The following MAF variants were observed in gnomAD, a reference collection of about 807,000 sequenced individuals.
The protein encoded by MAF is MAF bZIP transcription factor.
A neutral mutation model predicts 22.0 loss-of-function variants in MAF; 10 were observed. The ratio of observed to expected loss-of-function variants is 0.45; its 90% CI spans 0.28 to 0.77. The LOEUF (loss-of-function observed/expected upper bound fraction) is 0.77. Among genes scored for constraint, MAF ranks in the 30% least tolerant of loss-of-function variants. The probability of loss-of-function intolerance (pLI) is 0.12; values close to 1 mark genes in which losing one functional copy is unlikely to be tolerated. For synonymous variants in MAF, 337 were observed against 255.8 expected (o/e 1.32, Z -3.03); for missense variants, 544 against 548.4 (o/e 0.99, Z 0.08).
chr16:79,561,360 C>T, the MAF span, among the ~76,000 whole-genome samples: 4 of 150,876 alleles, frequency 2.7e-5, no homozygotes, highest in African/African-American at 9.8e-5. Flanking sequence ...TACATGTGCA[C>T]AACGTGCAGG....
chr16:79,461,352 A>G, the MAF span, among the ~76,000 whole-genome samples: 2 of 152,180 alleles, frequency 1.3e-5, no homozygotes, highest in Non-Finnish European at 2.9e-5. Context: ...ATTTCTGCTC[A>G]GCTGTCTCTC....
the MAF span, among the ~76,000 whole-genome samples, chr16:79,312,509 AGACT>A: frequency 9.2e-5 from 14 of 152,226 alleles, no homozygotes; most frequent in African/African-American, 3.4e-4. Context: ...GTGATAGCAC[AGACT>A]GACTCCAAAA....
Position 79,594,156 on chromosome 16 carries a change from C to G in MAF, c.*304G>C. 2.6e-6 allele frequency: 1 copy of G among 386,232 alleles called. No individual in the cohort carries two copies. The highest frequency in any genetic ancestry group is 4.8e-6 in the Non-Finnish European group (1 of 208,238). 23.9% of individuals were successfully genotyped at this position (386,232 alleles called of 1,614,324 possible). A position where few individuals can be genotyped will look rare whatever the true frequency, so the allele number is the denominator to read the frequency against. ...CGGGAAACTTTCCATTATATATATG[C>G]ATATATATGTATCTTTGTAATTTCA... On this transcript the variant is annotated 3_prime_UTR_variant, in exon 2 of 2. Transcript: ENST00000326043.
chr16:79,302,359 T>A, the MAF span, among the ~76,000 whole-genome samples: 1 of 152,210 alleles, frequency 6.6e-6, no homozygotes, highest in Non-Finnish European at 1.5e-5. Context: ...AAGCTTTTAA[T>A]TAGCCCACTG....
the MAF span, among the ~76,000 whole-genome samples, chr16:79,490,575 G>C: frequency 5.3e-5 from 8 of 151,898 alleles, no homozygotes; most frequent in South Asian, 2.1e-4. Flanking sequence ...CAGATATATG[G>C]TTAAATGAAT....
At chr16:79,417,826 G>A in the MAF span, among the ~76,000 whole-genome samples, 3 of 151,926 alleles carry the variant, frequency 2.0e-5, no homozygotes, top group Non-Finnish European at 2.9e-5. Context: ...CAGATAAGAC[G>A]CTGCTGGAGA....
At chr16:79,303,664 T>C in the MAF span, among the ~76,000 whole-genome samples, 1 of 152,318 alleles carries the variant, frequency 6.6e-6, no homozygotes, top group East Asian at 1.9e-4. Context: ...TTAATTCATA[T>C]AGACTGTCAG....
At chr16:79,512,639 C>T in the MAF span, among the ~76,000 whole-genome samples, 1 of 152,076 alleles carries the variant, frequency 6.6e-6, no homozygotes, top group African/African-American at 2.4e-5. Context: ...GAGGGTGTGC[C>T]GTTTATGAAA....
chr16:79,257,145 C>T, the MAF span, among the ~76,000 whole-genome samples: 1 of 151,786 alleles, frequency 6.6e-6, no homozygotes, highest in African/African-American at 2.4e-5. Context: ...CCACTGCACT[C>T]CAGCCTGGGT....
At chr16:79,447,092 G>A in the MAF span, among the ~76,000 whole-genome samples, 1 of 151,902 alleles carries the variant, frequency 6.6e-6, no homozygotes, top group Non-Finnish European at 1.5e-5. Context: ...ATTTCATGGA[G>A]ACATACAAAG....
At chr16:79,364,618 T>C in the MAF span, among the ~76,000 whole-genome samples, 1 of 152,188 alleles carries the variant, frequency 6.6e-6, no homozygotes, top group Non-Finnish European at 1.5e-5. Context: ...TAGCAAAAAG[T>C]TAGCATGCTC....
chr16:79,215,927 T>A, the MAF span, among the ~76,000 whole-genome samples: 1 of 152,056 alleles, frequency 6.6e-6, no homozygotes, highest in Non-Finnish European at 1.5e-5. Context: ...CATGCCCATT[T>A]CTCCCTGAAC....
chr16:79,453,877 G>T, the MAF span, among the ~76,000 whole-genome samples: 3 of 152,156 alleles, frequency 2.0e-5, no homozygotes, highest in Non-Finnish European at 1.5e-5. Flanking sequence ...CACACTGAAT[G>T]TATGTGGATT....
chr16:79,482,886 CTCCT>C, the MAF span, among the ~76,000 whole-genome samples: 2 of 119,130 alleles, frequency 1.7e-5, no homozygotes, highest in Non-Finnish European at 3.6e-5. Context: ...CTCTCCCTCC[CTCCT>C]TCCTTCCCTC....
chr16:79,210,505 G>A, the MAF span, among the ~76,000 whole-genome samples: 1 of 152,168 alleles, frequency 6.6e-6, no homozygotes, highest in African/African-American at 2.4e-5. Flanking sequence ...AAGTTCCTTA[G>A]TGTTTTCCTT....
chr16:79,253,851 C>T, the MAF span, among the ~76,000 whole-genome samples: 1 of 152,050 alleles, frequency 6.6e-6, no homozygotes, highest in Non-Finnish European at 1.5e-5. Flanking sequence ...TTGCAATCAC[C>T]TAAAGAATCC....
the MAF span, among the ~76,000 whole-genome samples, chr16:79,539,377 C>T: frequency 6.6e-6 from 1 of 152,050 alleles, no homozygotes; most frequent in Admixed American, 6.6e-5. Context: ...GTGGCATGCA[C>T]CTGTAATCCC....
chr16:79,438,757 T>C, the MAF span, among the ~76,000 whole-genome samples: 2 of 152,152 alleles, frequency 1.3e-5, no homozygotes, highest in South Asian at 2.1e-4. Flanking sequence ...CCCAGAGGCA[T>C]TGAGATGCTA....
At chr16:79,230,633 C>G in the MAF span, among the ~76,000 whole-genome samples, 2 of 152,134 alleles carry the variant, frequency 1.3e-5, no homozygotes. Flanking sequence ...AAAATGCATA[C>G]TACACATGGT....
Sources: gnomAD v4.1 joint callset for allele counts (sites outside exome capture counted in the v4.1 genomes callset) on GRCh38, gnomAD v4.1.1 for gene constraint, MANE v1.5 for transcripts, NCBI Gene and HGNC (gene_info 2026-07-23, HGNC 2026-07-21) for gene names.